ANKFN1: variants seen among roughly 807,000 people sequenced by gnomAD.
ANKFN1 encodes ankyrin repeat and fibronectin type-III domain-containing protein 1.
In ANKFN1, 74 loss-of-function variants were observed where a neutral mutation model predicts 108.7. The observed-to-expected ratio is 0.68, with a 90% confidence interval of 0.56 to 0.83. The LOEUF is 0.83. ANKFN1 is among the 40% of genes least tolerant of loss of function. The probability of loss-of-function intolerance (pLI) is 0.00; values close to 1 mark genes in which losing one functional copy is unlikely to be tolerated. For missense variants in ANKFN1, 1,505 were observed against 1,382.3 expected (o/e 1.09, Z -1.41); for synonymous variants, 547 against 516.2 (o/e 1.06, Z -0.81).
chr17:56,403,086 A>G (rs2047812012), intron 8 of ANKFN1, among the ~76,000 whole-genome samples: 1 of 152,114 alleles, frequency 6.6e-6, no homozygotes, highest in South Asian at 2.1e-4. Flanking sequence ...CAATTTTCTT[A>G]AATTTATTAA....
chr17:56,228,791 T>C (rs1916486078), intron 3 of ANKFN1, among the ~76,000 whole-genome samples: 2 of 152,116 alleles, frequency 1.3e-5, no homozygotes, highest in Non-Finnish European at 1.5e-5. Context: ...ATAAGGTAGA[T>C]GGTTGAGTCA....
intron 4 of ANKFN1, among the ~76,000 whole-genome samples, chr17:56,073,159 AT>A (rs1188614401): frequency 6.6e-6 from 1 of 151,450 alleles, no homozygotes; most frequent in African/African-American, 2.4e-5. Flanking sequence ...CGTCTGGCTA[AT>A]TTTCTGTATT....
intron 4 of ANKFN1, among the ~76,000 whole-genome samples, chr17:56,125,697 C>T (rs543300630): frequency 2.0e-5 from 3 of 152,276 alleles, no homozygotes; most frequent in East Asian, 3.9e-4. Flanking sequence ...GCATGTGGAT[C>T]GTTCGGTAAT....
chr17:56,079,219 C>T (rs891467137), intron 4 of ANKFN1, among the ~76,000 whole-genome samples: 4 of 152,228 alleles, frequency 2.6e-5, no homozygotes, highest in Non-Finnish European at 4.4e-5. Flanking sequence ...GCAGCAGAAA[C>T]AGATGCTGCT....
rs2051799281 is a variant in ANKFN1 at position 56,512,277 on chromosome 17, C to T, written c.*1008C>T. The stretch of plus-strand genomic sequence containing the variant: ...GCAGATACGGTCAGTCAGCAATGGG[C>T]TCCTCACAACCCCACAGGCTTATCC... On this transcript the variant is annotated 3_prime_UTR_variant, in exon 21 of 21. Coordinates refer to ENST00000682825, the MANE Select transcript of ANKFN1 (RefSeq NM_001370326.1). Among the ~76,000 whole-genome samples the T allele has an allele frequency of 6.6e-6, 1 of 152,134 alleles. No individual in the cohort carries two copies. The highest frequency in any genetic ancestry group is 2.1e-4 in the South Asian group (1 of 4,822).
chr17:56,436,343 T>A (rs2048928338), intron 8 of ANKFN1, among the ~76,000 whole-genome samples: 1 of 152,220 alleles, frequency 6.6e-6, no homozygotes, highest in South Asian at 2.1e-4. Flanking sequence ...CATTGCGCAA[T>A]TAAGCCCTGC....
At chr17:56,404,959 C>G (rs2047875259) in intron 8 of ANKFN1, among the ~76,000 whole-genome samples, 1 of 152,178 alleles carries the variant, frequency 6.6e-6, no homozygotes, top group Admixed American at 6.5e-5. Context: ...GAGAGTCTAC[C>G]TAGCTCCAGT....
intron 4 of ANKFN1, among the ~76,000 whole-genome samples, chr17:56,056,333 C>T (rs1357977188): frequency 2.1e-5 from 3 of 145,636 alleles, no homozygotes; most frequent in Non-Finnish European, 4.5e-5. Flanking sequence ...TTAAAGTTCA[C>T]GTGAAACCAA....
intron 4 of ANKFN1, among the ~76,000 whole-genome samples, chr17:56,110,431 C>A (rs914536909): frequency 1.3e-5 from 2 of 152,206 alleles, no homozygotes; most frequent in East Asian, 3.9e-4. Context: ...TCACACATCA[C>A]AATTTGTAAT....
intron 11 of ANKFN1, among the ~76,000 whole-genome samples, chr17:56,450,745 C>T (rs1300824285): frequency 2.0e-5 from 3 of 152,178 alleles, no homozygotes; most frequent in African/African-American, 7.2e-5. Flanking sequence ...CTTGGAAATT[C>T]ATAAGCCACT....
chr17:56,380,366 C>T lies in ANKFN1; in HGVS notation c.910+5652C>T, dbSNP rs141414647. Among the ~76,000 whole-genome samples the T allele has an allele frequency of 1.0e-3, 154 of 152,226 alleles. 1 individual carries two copies. Among genetic ancestry groups the T allele is most frequent in the Admixed American group, 4.6e-3 (71 of 15,288 alleles). ...CTCCCAGTGTGAGCAATGCAGAAGA[C>T]GGGTGATTTCTGCATTTCCATCTGA... On this transcript the variant is annotated intron_variant, in intron 8 of 20. Coordinates refer to ENST00000682825, the MANE Select transcript of ANKFN1 (RefSeq NM_001370326.1).
At chr17:56,385,710 A>G (rs1206396222) in intron 8 of ANKFN1, among the ~76,000 whole-genome samples, 1 of 152,256 alleles carries the variant, frequency 6.6e-6, no homozygotes, top group Non-Finnish European at 1.5e-5. Context: ...GCCAAAAAAC[A>G]CATGAAAAAA....
chr17:56,343,995 A>G (rs191962144), intron 4 of ANKFN1, among the ~76,000 whole-genome samples: 5 of 151,908 alleles, frequency 3.3e-5, no homozygotes, highest in Admixed American at 2.0e-4. Flanking sequence ...TTCTTTGGGT[A>G]TGGTTTAGCT....
At chr17:56,175,571 C>T (rs976999292) in intron 1 of ANKFN1, among the ~76,000 whole-genome samples, 1 of 152,142 alleles carries the variant, frequency 6.6e-6, no homozygotes, top group African/African-American at 2.4e-5. Context: ...AAGTCAGAGC[C>T]AGTGAGGCCA....
intron 4 of ANKFN1, among the ~76,000 whole-genome samples, chr17:56,091,153 T>C (rs1479585331): frequency 1.3e-5 from 2 of 151,074 alleles, no homozygotes; most frequent in Non-Finnish European, 3.0e-5. Flanking sequence ...TTCTGAATTC[T>C]GTAGAGAATG....
chr17:56,489,501 T>C (rs921513809), intron 18 of ANKFN1, among the ~76,000 whole-genome samples: 1 of 150,530 alleles, frequency 6.6e-6, no homozygotes, highest in Non-Finnish European at 1.5e-5. Context: ...AGCGTTATAG[T>C]TGAAACCTCC....
chr17:56,281,608 G>T (rs756007940), intron 3 of ANKFN1, among the ~76,000 whole-genome samples: 1 of 152,096 alleles, frequency 6.6e-6, no homozygotes, highest in East Asian at 1.9e-4. Context: ...TGTCACATAG[G>T]ACTTATATTC....
intron 4 of ANKFN1, among the ~76,000 whole-genome samples, chr17:56,346,864 A>G (rs1424253619): frequency 1.3e-5 from 2 of 151,784 alleles, no homozygotes; most frequent in Admixed American, 1.3e-4. Flanking sequence ...TATATTGTGC[A>G]CACAGATATA....
intron 4 of ANKFN1, among the ~76,000 whole-genome samples, chr17:56,141,845 T>A (rs1478694988): frequency 6.6e-6 from 1 of 151,504 alleles, no homozygotes; most frequent in Admixed American, 6.6e-5. Flanking sequence ...AGCTCAGACA[T>A]CCTTAATCAA....
Sources: allele counts gnomAD v4.1 joint callset (sites outside exome capture counted in the v4.1 genomes callset), GRCh38; gene constraint gnomAD v4.1.1; transcripts MANE v1.5; gene names NCBI Gene and HGNC (gene_info 2026-07-23, HGNC 2026-07-21).